The following KIRREL3 variants were observed in gnomAD, a reference collection of about 807,000 sequenced individuals.
KIRREL3 encodes the protein kin of IRRE-like protein 3.
KIRREL3 carries 36 observed loss-of-function variants against 89.7 expected under a neutral mutation model. The ratio of observed to expected loss-of-function variants is 0.40; its 90% CI spans 0.31 to 0.53. The LOEUF is 0.53. Among genes scored for constraint, KIRREL3 ranks in the 20% least tolerant of loss-of-function variants. The pLI is 0.49. For missense variants in KIRREL3, 864 were observed against 1,056.6 expected (o/e 0.82, Z 2.53); for synonymous variants, 445 against 441.4 (o/e 1.01, Z -0.10).
In KIRREL3 at chr11:126,642,729, G is replaced by A. The variant is rs1944517410; in HGVS notation, c.56-79817C>T. The stretch of plus-strand genomic sequence containing the variant: ...ACAAAAGGGGTAGGCTAGAACCAGA[G>A]TCACATAAGAACAGCCTTCTGGAGG... On this transcript the variant is annotated intron_variant, in intron 1 of 16. Coordinates refer to ENST00000525144, the MANE Select transcript of KIRREL3 (RefSeq NM_032531.4). This position sits in a 1 kb window ranked among gnomAD's most constrained non-coding sequence, Gnocchi z 4.9. Among the ~76,000 whole-genome samples the A allele has an allele frequency of 6.6e-6, 1 of 152,214 alleles. No homozygotes were observed. Among genetic ancestry groups the A allele is most frequent in the African/African-American group, 2.4e-5 (1 of 41,458 alleles).
chr11:126,539,051 C>A (rs1051252358), intron 2 of KIRREL3, among the ~76,000 whole-genome samples: 17 of 152,184 alleles, frequency 1.1e-4, no homozygotes, highest in African/African-American at 3.9e-4. Context: ...AGCAGTGCCA[C>A]ATGGTCTAGG....
intron 1 of KIRREL3, among the ~76,000 whole-genome samples, chr11:126,732,652 G>A (rs1948667135): frequency 6.6e-6 from 1 of 152,188 alleles, no homozygotes; most frequent in Admixed American, 6.5e-5. Flanking sequence ...GGGCAGCCTG[G>A]CTCTGAACCA....
rs1225286871 is a variant in KIRREL3 at position 126,655,934 on chromosome 11, G to A, written c.56-93022C>T. Among the ~76,000 whole-genome samples the A allele has an allele frequency of 1.3e-5, 2 of 150,254 alleles. No homozygotes were observed. The highest frequency in any genetic ancestry group is 4.0e-4 in the East Asian group (2 of 5,018). On this transcript the variant is annotated intron_variant, in intron 1 of 16. Coordinates refer to ENST00000525144, the MANE Select transcript of KIRREL3 (RefSeq NM_032531.4). The surrounding 1 kb of genome is among the most constrained non-coding windows in gnomAD (Gnocchi z 5.0). ...CTGTTTGCACTGACTAAGATATCAC[G>A]ATGATGAAACACTGTTGAATCTAAA...
At chr11:126,930,090 C>A (rs1444867652) in intron 1 of KIRREL3, among the ~76,000 whole-genome samples, 1 of 148,534 alleles carries the variant, frequency 6.7e-6, no homozygotes, top group Admixed American at 6.7e-5. Context: ...TTTGCTGATT[C>A]CCATTTGTGT....
intron 1 of KIRREL3, chr11:126,935,456 C>G (rs1948145497): frequency 6.6e-6 from 1 of 152,164 alleles, no homozygotes; most frequent in Non-Finnish European, 1.5e-5. Flanking sequence ...TTCACGGTTG[C>G]CAACACTTGG....
At chr11:126,667,300 G>A (rs1049604069) in intron 1 of KIRREL3, among the ~76,000 whole-genome samples, 5 of 152,206 alleles carry the variant, frequency 3.3e-5, no homozygotes, top group African/African-American at 1.2e-4. Flanking sequence ...ACACACAGTT[G>A]GATATTGAGT....
At chr11:126,712,405 C>T (rs1356732061) in intron 1 of KIRREL3, among the ~76,000 whole-genome samples, 1 of 152,182 alleles carries the variant, frequency 6.6e-6, no homozygotes, top group Non-Finnish European at 1.5e-5. Flanking sequence ...CCCTCTGCCC[C>T]GTTGGTGCTG....
intron 1 of KIRREL3, among the ~76,000 whole-genome samples, chr11:126,925,266 C>G (rs1426923720): frequency 1.3e-5 from 2 of 152,182 alleles, no homozygotes; most frequent in Non-Finnish European, 2.9e-5. Flanking sequence ...ATCTAACATG[C>G]ATGTGTCCTG....
chr11:126,511,047 C>CTGTGTGTGTGTGTGTGTGTG (rs55885385), intron 4 of KIRREL3, among the ~76,000 whole-genome samples: 18 of 142,170 alleles, frequency 1.3e-4, no homozygotes, highest in African/African-American at 4.1e-4. Flanking sequence ...ATCTGCAGTG[C>CTGTGTGTGTGTGTGTGTGTG]TGTGTGTGTG....
intron 1 of KIRREL3, among the ~76,000 whole-genome samples, chr11:126,779,942 G>T (rs1950276529): frequency 1.3e-5 from 2 of 152,112 alleles, no homozygotes; most frequent in Non-Finnish European, 2.9e-5. Flanking sequence ...AAGGAGAGAG[G>T]GTAGGTGCAT....
intron 9 of KIRREL3, among the ~76,000 whole-genome samples, chr11:126,446,283 C>CT (rs1565457748): frequency 8.6e-6 from 1 of 116,528 alleles, no homozygotes; most frequent in African/African-American, 3.5e-5. Flanking sequence ...TCTTTTCTTT[C>CT]TCCTTTCTTT....
chr11:126,906,496 T>C lies in KIRREL3; in HGVS notation c.55+93959A>G, dbSNP rs1457993861. Among the ~76,000 whole-genome samples, 1 of 152,148 alleles carries C rather than the reference T, an allele frequency of 6.6e-6. No individual in the cohort carries two copies. The highest frequency in any genetic ancestry group is 1.5e-5 in the Non-Finnish European group (1 of 68,018). The stretch of plus-strand genomic sequence containing the variant: ...GGCAAGAACCTTGAACCTTATTTGA[T>C]TGCTGCCTCTGCCCAGTAACTTTAA... On this transcript the variant is annotated intron_variant, in intron 1 of 16. Transcript: ENST00000525144. The surrounding 1 kb of genome is among the most constrained non-coding windows in gnomAD (Gnocchi z 4.1).
chr11:126,964,719 A>T (rs1949211627), intron 1 of KIRREL3, among the ~76,000 whole-genome samples: 1 of 152,158 alleles, frequency 6.6e-6, no homozygotes. Context: ...GAAGACCCTG[A>T]GGTTCTATGC....
In KIRREL3 at chr11:126,891,691, A is replaced by T. The variant is rs1376836063; in HGVS notation, c.55+108764T>A. The stretch of plus-strand genomic sequence containing the variant: ...ATCACACCAAAGCAGCTTGGCTTCT[A>T]AGATGCAGCCCTGACCGGCTGACTC... On this transcript the variant is annotated intron_variant, in intron 1 of 16. Coordinates refer to ENST00000525144, the MANE Select transcript of KIRREL3 (RefSeq NM_032531.4). This position sits in a 1 kb window ranked among gnomAD's most constrained non-coding sequence, Gnocchi z 5.1. Among the ~76,000 whole-genome samples the T allele has an allele frequency of 6.6e-6, 1 of 152,228 alleles. No homozygotes were observed. The highest frequency in any genetic ancestry group is 1.9e-4 in the East Asian group (1 of 5,178).
intron 1 of KIRREL3, among the ~76,000 whole-genome samples, chr11:126,818,099 G>C (rs536783527): frequency 1.1e-4 from 16 of 152,206 alleles, no homozygotes; most frequent in Non-Finnish European, 2.1e-4. Flanking sequence ...GCTGTATCAG[G>C]GGGGCAAGAG....
At chr11:126,444,088 C>A (rs1184826454) in intron 10 of KIRREL3, among the ~76,000 whole-genome samples, 1 of 152,240 alleles carries the variant, frequency 6.6e-6, no homozygotes, top group Non-Finnish European at 1.5e-5. Flanking sequence ...ACTGTCTACA[C>A]CCCATCATTC....
chr11:126,993,343 C>T lies in KIRREL3; in HGVS notation c.55+7112G>A, dbSNP rs1163750331. 6.6e-6 allele frequency among the ~76,000 whole-genome samples: 1 copy of T among 152,210 alleles called. No homozygotes were observed. The highest frequency in any genetic ancestry group is 2.4e-5 in the African/African-American group (1 of 41,450). On this transcript the variant is annotated intron_variant, in intron 1 of 16. Transcript: ENST00000525144. The surrounding 1 kb of genome is among the most constrained non-coding windows in gnomAD (Gnocchi z 6.1). ...CAGCAGCACTCTAGCCATCATACTG[C>T]CCATGGCTTCTGAACATATCGCATT...
intron 1 of KIRREL3, among the ~76,000 whole-genome samples, chr11:126,582,960 G>C (rs138120727): frequency 8.7e-4 from 132 of 152,324 alleles, no homozygotes; most frequent in African/African-American, 3.0e-3. Flanking sequence ...AAGCTACACA[G>C]TCAGTAAATG....
rs142299961 is a variant in KIRREL3 at position 126,576,824 on chromosome 11, C to T, written c.56-13912G>A. ...TTCCTGAGCCACAAATGAGGCTCTC[C>T]CTACTGGAATGCAGAAGGAAGGACA... is the stretch of plus-strand genomic sequence containing the variant. On this transcript the variant is annotated intron_variant, in intron 1 of 16. Coordinates refer to ENST00000525144, the MANE Select transcript of KIRREL3 (RefSeq NM_032531.4). The surrounding 1 kb of genome is among the most constrained non-coding windows in gnomAD (Gnocchi z 5.4). Among the ~76,000 whole-genome samples, 82 of 152,310 alleles carry T rather than the reference C, an allele frequency of 5.4e-4. No homozygotes were observed. The highest frequency in any genetic ancestry group is 8.2e-4 in the Non-Finnish European group (56 of 68,032).
Sources: gnomAD v4.1 joint callset for allele counts (sites outside exome capture counted in the v4.1 genomes callset) on GRCh38, gnomAD v4.1.1 for gene constraint, Gnocchi (gnomAD v3.1) non-coding constraint, MANE v1.5 for transcripts, NCBI Gene and HGNC (gene_info 2026-07-23, HGNC 2026-07-21) for gene names.